The following ADARB1 variants were observed in gnomAD, a reference collection of about 807,000 sequenced individuals.
ADARB1 encodes the protein adenosine deaminase RNA specific B1, also known as double-stranded RNA-specific editase 1.
ADARB1 carries 10 observed loss-of-function variants against 52.4 expected under a neutral mutation model. That is an observed-to-expected ratio of 0.19 (90% CI 0.12 to 0.32). ADARB1 has a LOEUF of 0.32. Ranked by LOEUF, ADARB1 falls within the 10% of genes least tolerant of loss-of-function variation. The pLI is 1.00. For synonymous variants in ADARB1, 349 were observed against 371.1 expected (o/e 0.94, Z 0.68); for missense variants, 643 against 922.3 (o/e 0.70, Z 3.92).
At chr21:45,078,769 C>G (rs8130074) in intron 1 of ADARB1, among the ~76,000 whole-genome samples, 109,785 of 152,128 alleles carry the variant, frequency 0.72, 40,192 homozygotes, top group East Asian at 0.88. Context: ...TCCTTCCTTG[C>G]GAATGACATG....
In ADARB1 at chr21:45,171,369, G is replaced by T. The variant is rs79843064; in HGVS notation, c.-47-241G>T. Among the ~76,000 whole-genome samples the T allele has an allele frequency of 2.0e-5, 3 of 152,100 alleles. No individual in the cohort carries two copies. The East Asian group carries it at 5.8e-4, about 29-fold the overall frequency. On this transcript the variant is annotated intron_variant, in intron 2 of 10. Coordinates refer to ENST00000348831, the MANE Select transcript of ADARB1 (RefSeq NM_001112.4). Reference sequence around the variant, plus strand: ...CATCCCTCCATGTGGGAGAATCCACGCGAGACGTCCTTTGCTGTGCTGGAA... The same window carrying T: ...CATCCCTCCATGTGGGAGAATCCACTCGAGACGTCCTTTGCTGTGCTGGAA...
chr21:45,224,395 G>A lies in ADARB1; in HGVS notation c.*2198G>A, dbSNP rs1056214575. 60 of 984,578 alleles carry A rather than the reference G, an allele frequency of 6.1e-5. No homozygotes were observed. The highest frequency in any genetic ancestry group is 6.9e-5 in the Non-Finnish European group (57 of 829,906). The allele number at this position is 984,578 out of a possible 1,614,324, so 61.0% of individuals were successfully genotyped here. On this transcript the variant is annotated 3_prime_UTR_variant, in exon 11 of 11. Coordinates refer to ENST00000348831, the MANE Select transcript of ADARB1 (RefSeq NM_001112.4). ...CCATGTGAGGTGGCACCTTTCCGGG[G>A]TGGACTCGTGCGGCCTTGAGGACAG... is the stretch of plus-strand genomic sequence containing the variant.
chr21:45,130,228 A>T (rs1373036123), intron 2 of ADARB1, among the ~76,000 whole-genome samples: 1 of 152,262 alleles, frequency 6.6e-6, no homozygotes, highest in Non-Finnish European at 1.5e-5. Context: ...GAAGTAAAAC[A>T]TTGCATTAAT....
intron 1 of ADARB1, among the ~76,000 whole-genome samples, chr21:45,122,322 A>G (rs1261676595): frequency 1.3e-5 from 2 of 152,242 alleles, no homozygotes; most frequent in Non-Finnish European, 2.9e-5. Context: ...CAGCAAATCC[A>G]TCAAGTGCTG....
At chr21:45,096,320 A>G (rs951699285) in intron 1 of ADARB1, among the ~76,000 whole-genome samples, 3 of 152,238 alleles carry the variant, frequency 2.0e-5, no homozygotes, top group African/African-American at 7.2e-5. Flanking sequence ...CGCAAGGGAC[A>G]AGTGCCCCCT....
At chr21:45,164,604 C>T (rs1444324320) in intron 2 of ADARB1, among the ~76,000 whole-genome samples, 2 of 152,076 alleles carry the variant, frequency 1.3e-5, no homozygotes, top group African/African-American at 4.8e-5. Context: ...TCTGATGAAG[C>T]CTTGCGCGAG....
chr21:45,173,388 T>G (rs1356030402), intron 3 of ADARB1, among the ~76,000 whole-genome samples: 1 of 152,176 alleles, frequency 6.6e-6, no homozygotes, highest in Admixed American at 6.5e-5. Context: ...GTATTTTCCT[T>G]TATGATAGTA....
chr21:45,136,128 C>G (rs951274746), intron 2 of ADARB1, among the ~76,000 whole-genome samples: 1 of 151,954 alleles, frequency 6.6e-6, no homozygotes, highest in African/African-American at 2.4e-5. Context: ...AGTGGAGGAC[C>G]ACGAACTCCC....
At chr21:45,126,278 A>G (rs1411315875) in intron 1 of ADARB1, among the ~76,000 whole-genome samples, 2 of 152,098 alleles carry the variant, frequency 1.3e-5, no homozygotes, top group African/African-American at 2.4e-5. Flanking sequence ...TGAGGAGCTG[A>G]TGTGTGATGC....
At chr21:45,113,467 G>A (rs1042494539) in intron 1 of ADARB1, among the ~76,000 whole-genome samples, 4 of 147,290 alleles carry the variant, frequency 2.7e-5, no homozygotes, top group Non-Finnish European at 6.0e-5. Context: ...GTGTGTGTGT[G>A]TATATATATA....
At chr21:45,077,662 G>A (rs1323289226) in intron 1 of ADARB1, among the ~76,000 whole-genome samples, 6 of 149,380 alleles carry the variant, frequency 4.0e-5, no homozygotes, top group Non-Finnish European at 8.9e-5. Flanking sequence ...GCGAGACGCC[G>A]TCTAAAAAAA....
In ADARB1 at chr21:45,152,207, G is replaced by A. The variant is rs779469509; in HGVS notation, c.-47-19403G>A. On this transcript the variant is annotated intron_variant, in intron 2 of 10. Transcript: ENST00000348831. ...TTTTTGCAGTTTTATTTTCTAAACT[G>A]TACTCTTTTATTGATAGATTTTTTG... Among the ~76,000 whole-genome samples, 110 of 152,138 alleles carry A rather than the reference G, an allele frequency of 7.2e-4. No individual in the cohort carries two copies. The Middle Eastern group carries it at 0.014, about 19-fold the overall frequency.
In ADARB1 at chr21:45,223,270, A is replaced by G. The variant is rs1023444597; in HGVS notation, c.*1073A>G. 1 of 985,374 alleles carries G rather than the reference A, an allele frequency of 1.0e-6. No homozygotes were observed. The highest frequency in any genetic ancestry group is 1.2e-6 in the Non-Finnish European group (1 of 829,942). 61.0% of individuals were successfully genotyped at this position (985,374 alleles called of 1,614,324 possible). A position where few individuals can be genotyped will look rare whatever the true frequency, so the allele number is the denominator to read the frequency against. On this transcript the variant is annotated 3_prime_UTR_variant, in exon 11 of 11. Coordinates refer to ENST00000348831, the MANE Select transcript of ADARB1 (RefSeq NM_001112.4). Reference sequence around the variant, plus strand: ...TTTATCAAAGACATGTTTGAAAAATAAAAAGCATCCAAGTGAGAGCTGGTG... The same window carrying G: ...TTTATCAAAGACATGTTTGAAAAATGAAAAGCATCCAAGTGAGAGCTGGTG...
intron 1 of ADARB1, among the ~76,000 whole-genome samples, chr21:45,083,086 A>C (rs2086214231): frequency 6.6e-6 from 1 of 152,040 alleles, no homozygotes; most frequent in South Asian, 2.1e-4. Flanking sequence ...CTTCCTCCCC[A>C]CACAGCCTGC....
rs80010281 is a variant in ADARB1 at position 45,212,630 on chromosome 21, G to A, written c.1747+7894G>A. On this transcript the variant is annotated intron_variant, in intron 9 of 10. Transcript: ENST00000348831. ...ACCCCGACAACCAGGGAAGGACGGT[G>A]TTGGAGCTCTGAGTTCTTGGCATGA... Among the ~76,000 whole-genome samples the A allele has an allele frequency of 1.8e-3, 277 of 152,228 alleles. 5 individuals are homozygous for A. The highest frequency in any genetic ancestry group is 0.013 in the East Asian group (68 of 5,148).
At chr21:45,184,304 A>G (rs2092026942) in intron 7 of ADARB1, among the ~76,000 whole-genome samples, 1 of 152,212 alleles carries the variant, frequency 6.6e-6, no homozygotes, top group African/African-American at 2.4e-5. Context: ...AAATGTTAGC[A>G]TTTTGTCCTA....
intron 1 of ADARB1, among the ~76,000 whole-genome samples, chr21:45,119,932 G>A (rs918575253): frequency 1.3e-5 from 2 of 152,228 alleles, no homozygotes; most frequent in Non-Finnish European, 2.9e-5. Flanking sequence ...CATTGGTAAC[G>A]CACGAAATGC....
intron 7 of ADARB1, chr21:45,184,539 C>T (rs1467279144): frequency 2.7e-6 from 1 of 367,270 alleles, no homozygotes; most frequent in Non-Finnish European, 5.5e-6. Context: ...GCCTCGACCT[C>T]CTGGGCTCTT....
At position 45,176,990 on chromosome 21, in the gene ADARB1, G is replaced by A; in HGVS notation, c.963+326G>A. ...CCCCATGACCCTCATCCCACAGCAA[G>A]CCTTTAGCAGGAGAGACGGAAGAAG... On this transcript the variant is annotated intron_variant, in intron 4 of 10. Coordinates refer to ENST00000348831, the MANE Select transcript of ADARB1 (RefSeq NM_001112.4). This position sits in a 1 kb window ranked among gnomAD's most constrained non-coding sequence, Gnocchi z 5.8. 3.9e-6 allele frequency: 1 copy of A among 253,284 alleles called. No individual in the cohort carries two copies. The highest frequency in any genetic ancestry group is 7.6e-6 in the Non-Finnish European group (1 of 131,924). The allele number at this position is 253,284 out of a possible 1,614,324, so 15.7% of individuals were successfully genotyped here.
Sources: gnomAD v4.1 joint callset for allele counts (sites outside exome capture counted in the v4.1 genomes callset) on GRCh38, gnomAD v4.1.1 for gene constraint, Gnocchi (gnomAD v3.1) non-coding constraint, MANE v1.5 for transcripts, NCBI Gene and HGNC (gene_info 2026-07-23, HGNC 2026-07-21) for gene names.